The following BRAF variants were observed in gnomAD, a reference collection of about 807,000 sequenced individuals.
BRAF encodes the protein B-Raf proto-oncogene, serine/threonine kinase.
Under a neutral mutation model 104.6 loss-of-function variants are expected in BRAF, and 16 were observed. The observed-to-expected ratio is 0.15, with a 90% CI of 0.10 to 0.23. The LOEUF is 0.23. Ranked by LOEUF, BRAF falls within the 10% of genes least tolerant of loss-of-function variation. The pLI is 1.00. For synonymous variants in BRAF, 310 were observed against 341.6 expected (o/e 0.91, Z 1.02); for missense variants, 541 against 937.3 (o/e 0.58, Z 5.52).
In BRAF at chr7:140,721,301, T is replaced by C. The variant is rs1213405315; in HGVS notation, c.*5193A>G. 1 of 1,163,218 alleles carries C rather than the reference T, an allele frequency of 8.6e-7. No homozygotes were observed. Among genetic ancestry groups the C allele is most frequent in the African/African-American group, 1.6e-5 (1 of 63,316 alleles). The allele number at this position is 1,163,218 out of a possible 1,614,324, so 72.1% of individuals were successfully genotyped here. A position where few individuals can be genotyped will look rare whatever the true frequency, so the allele number is the denominator to read the frequency against. On this transcript the variant is annotated 3_prime_UTR_variant, in exon 20 of 20. Coordinates refer to ENST00000644969, the MANE Select transcript of BRAF (RefSeq NM_001374258.1). Reference sequence around the variant, plus strand: ...CCGACTAATTGCCCCATGCATTTTTTTTTTTTAAAGCACTGTTACCTTAAT... The same window carrying C: ...CCGACTAATTGCCCCATGCATTTTTCTTTTTTAAAGCACTGTTACCTTAAT...
intron 1 of BRAF, among the ~76,000 whole-genome samples, chr7:140,877,138 C>A (rs982144500): frequency 3.9e-5 from 6 of 151,938 alleles, no homozygotes; most frequent in Non-Finnish European, 8.8e-5. Context: ...ATAAACATGA[C>A]AATAAGGTTA....
chr7:140,763,255 T>A (rs1798944420), intron 14 of BRAF, among the ~76,000 whole-genome samples: 1 of 149,968 alleles, frequency 6.7e-6, no homozygotes, highest in Non-Finnish European at 1.5e-5. Flanking sequence ...CCAACCTCCC[T>A]CCCGGACGGG....
At chr7:140,760,062 G>C (rs1384778103) in intron 14 of BRAF, among the ~76,000 whole-genome samples, 1 of 152,174 alleles carries the variant, frequency 6.6e-6, no homozygotes, top group African/African-American at 2.4e-5. Flanking sequence ...ACTGTGGACT[G>C]AGAATTTTAC....
chr7:140,757,344 C>T (rs1047060671), intron 14 of BRAF, among the ~76,000 whole-genome samples: 6 of 151,844 alleles, frequency 4.0e-5, no homozygotes, highest in Admixed American at 1.3e-4. Flanking sequence ...GCCTGGAGTG[C>T]GGTGGTGCGA....
chr7:140,919,270 G>A (rs903017253), intron 1 of BRAF, among the ~76,000 whole-genome samples: 3 of 152,080 alleles, frequency 2.0e-5, no homozygotes, highest in African/African-American at 7.2e-5. Flanking sequence ...CGTGCTGTCA[G>A]GAACTGCAGC....
At chr7:140,726,569 G>A (rs1436331652) in intron 19 of BRAF, 7 of 1,419,638 alleles carry the variant, frequency 4.9e-6, no homozygotes, top group South Asian at 1.2e-5. Context: ...AAATAACCTA[G>A]AGACACAGAA....
chr7:140,817,412 T>C (rs913285987), intron 3 of BRAF, among the ~76,000 whole-genome samples: 1 of 152,078 alleles, frequency 6.6e-6, no homozygotes, highest in African/African-American at 2.4e-5. Context: ...GTAATCCCTA[T>C]GAAAACACCA....
At chr7:140,753,839 C>T in intron 15 of BRAF, 1 of 359,060 alleles carries the variant, frequency 2.8e-6, no homozygotes, top group Non-Finnish European at 5.2e-6. Context: ...TTAGAGTCTT[C>T]AGTTATATCT....
At chr7:140,886,393 T>G (rs1813565939) in intron 1 of BRAF, among the ~76,000 whole-genome samples, 1 of 152,182 alleles carries the variant, frequency 6.6e-6, no homozygotes, top group African/African-American at 2.4e-5. Context: ...CCTTAAACCC[T>G]TTAATGGCTC....
At chr7:140,827,919 G>T (rs925114224) in intron 3 of BRAF, among the ~76,000 whole-genome samples, 6 of 151,724 alleles carry the variant, frequency 4.0e-5, no homozygotes, top group African/African-American at 1.2e-4. Flanking sequence ...TTTTTGAGAT[G>T]GAGTTTTGCT....
At chr7:140,907,031 C>T (rs1816401432) in intron 1 of BRAF, among the ~76,000 whole-genome samples, 1 of 152,182 alleles carries the variant, frequency 6.6e-6, no homozygotes, top group South Asian at 2.1e-4. Context: ...TCCTCTCTTT[C>T]CAGAGCTCTG....
chr7:140,849,446 T>G (rs986908686), intron 2 of BRAF, among the ~76,000 whole-genome samples: 12 of 151,692 alleles, frequency 7.9e-5, no homozygotes, highest in African/African-American at 2.9e-4. Context: ...AAAAATATTT[T>G]AAAAAATTAC....
At position 140,783,178 on chromosome 7, in the gene BRAF, A is replaced by G. The variant is rs764154472; in HGVS notation, c.1298-21T>C. 3.7e-5 allele frequency: 60 copies of G among 1,613,424 alleles called. No homozygotes were observed. In the Middle Eastern group the frequency reaches 4.9e-4, roughly 13 times the overall value. ...TGATCCTAAATTAGTGAAAAGAAAA[A>G]TGTATACATTAAGGAGGAGCAAGTA... On this transcript the variant is annotated intron_variant, in intron 10 of 19. Transcript: ENST00000644969.
rs1284508691 is a variant in BRAF at position 140,724,092 on chromosome 7, G to A, written c.*2402C>T. 52 of 1,048,382 alleles carry A rather than the reference G, an allele frequency of 5.0e-5. No homozygotes were observed. The East Asian group carries it at 1.4e-3, about 28-fold the overall frequency. 64.9% of individuals were successfully genotyped at this position (1,048,382 alleles called of 1,614,324 possible). ...CATTTGAGATCAAGTCTGCTCCCCC[G>A]TTCAAATGAGATACCAGCCTATTCT... On this transcript the variant is annotated 3_prime_UTR_variant, in exon 20 of 20. Coordinates refer to ENST00000644969, the MANE Select transcript of BRAF (RefSeq NM_001374258.1).
chr7:140,837,888 C>T (rs967821790), intron 2 of BRAF, among the ~76,000 whole-genome samples: 2 of 152,190 alleles, frequency 1.3e-5, no homozygotes, highest in African/African-American at 4.8e-5. Flanking sequence ...AAATTCTCCA[C>T]ATCTTTCCCC....
intron 3 of BRAF, among the ~76,000 whole-genome samples, chr7:140,821,283 G>A (rs934467559): frequency 6.8e-6 from 1 of 147,688 alleles, no homozygotes; most frequent in Non-Finnish European, 1.5e-5. Flanking sequence ...TACACCCAGC[G>A]TCTGAATTAC....
intron 3 of BRAF, among the ~76,000 whole-genome samples, chr7:140,830,114 T>A: frequency 6.6e-6 from 1 of 152,354 alleles, no homozygotes; most frequent in Middle Eastern, 3.4e-3. Context: ...TGTGGTCCTC[T>A]GAATGACTCA....
At chr7:140,871,790 T>C (rs1008882045) in intron 1 of BRAF, among the ~76,000 whole-genome samples, 2 of 152,214 alleles carry the variant, frequency 1.3e-5, no homozygotes, top group Admixed American at 6.5e-5. Context: ...ATATAAAATT[T>C]AGTTTCTCAC....
chr7:140,810,744 T>C (rs1484648841), intron 3 of BRAF, among the ~76,000 whole-genome samples: 1 of 152,212 alleles, frequency 6.6e-6, no homozygotes, highest in African/African-American at 2.4e-5. Flanking sequence ...TTTGTAACTC[T>C]AAAGTCAATA....
Sources: allele counts gnomAD v4.1 joint callset (sites outside exome capture counted in the v4.1 genomes callset), GRCh38; gene constraint gnomAD v4.1.1; transcripts MANE v1.5; gene names NCBI Gene and HGNC (gene_info 2026-07-23, HGNC 2026-07-21).